Variants in SCARB2 observed in about 807,000 individuals in gnomAD.
SCARB2 encodes lysosome membrane protein 2.
A neutral mutation model predicts 58.6 loss-of-function variants in SCARB2; 29 were observed. The observed-to-expected ratio is 0.49, with a 90% CI of 0.37 to 0.67. The LOEUF is 0.67. SCARB2 is among the 30% of genes least tolerant of loss of function. The pLI, the probability that SCARB2 is intolerant of heterozygous loss-of-function variation, is 0.00. For synonymous variants in SCARB2, 195 were observed against 210.1 expected (o/e 0.93, Z 0.62); for missense variants, 488 against 578.5 (o/e 0.84, Z 1.60).
At chr4:76,211,307 C>T (rs1733041269) in intron 1 of SCARB2, among the ~76,000 whole-genome samples, 1 of 152,176 alleles carries the variant, frequency 6.6e-6, no homozygotes, top group Non-Finnish European at 1.5e-5. Context: ...CCCAAGTTAG[C>T]TAACAGCTCA....
chr4:76,209,588 C>T (rs1160804781), intron 1 of SCARB2, among the ~76,000 whole-genome samples: 2 of 152,112 alleles, frequency 1.3e-5, no homozygotes, highest in African/African-American at 4.8e-5. Flanking sequence ...AGGCTGGTCT[C>T]GAACTCCCGA....
chr4:76,166,386 T>A, intron 9 of SCARB2, 85 bp from the exon 10 acceptor site: 1 of 1,334,992 alleles, frequency 7.5e-7, no homozygotes, highest in Non-Finnish European at 1.1e-6. Context: ...TATATGAAGA[T>A]TCTAGTACAC....
Position 76,175,843 on chromosome 4 carries a change from G to A in SCARB2, c.772C>T (p.Pro258Ser). The change falls in exon 6 of 12, where the codon CCA becomes TCA. Residue 258 changes from proline (P) to serine (S), a missense_variant. Physicochemically the swap from Pro to Ser is moderately conservative, Grantham distance 74. Transcript: ENST00000264896. The stretch of plus-strand genomic sequence containing the variant: ...AGGACCTCATCTTTGGTTATTAGTG[G>A]GTGAAAAGAATCTCCATCTGTTCCA... ...INGTDGDSFHPLITKDEVLYV... is the reference protein window; with the variant it reads ...INGTDGDSFHSLITKDEVLYV... 1 of 1,613,832 alleles carries A rather than the reference G, an allele frequency of 6.2e-7. No homozygotes were observed. Among genetic ancestry groups the A allele is most frequent in the Non-Finnish European group, 8.5e-7 (1 of 1,179,936 alleles).
intron 2 of SCARB2, chr4:76,194,631 A>T (rs776643445): frequency 6.6e-6 from 1 of 152,190 alleles, no homozygotes; most frequent in African/African-American, 2.4e-5. Context: ...ATCGATTACA[A>T]CAGAATTGTC....
chr4:76,218,031 T>A (rs568168565), upstream of SCARB2, among the ~76,000 whole-genome samples: 4 of 152,362 alleles, frequency 2.6e-5, no homozygotes, highest in East Asian at 7.7e-4. Flanking sequence ...ATATAAACAT[T>A]TAAAATACAC....
At position 76,174,369 on chromosome 4, in the gene SCARB2, C is replaced by T. The variant is rs1044063809; in HGVS notation, c.825-56G>A. The T allele has an allele frequency of 1.4e-5, 22 of 1,541,668 alleles. No individual in the cohort carries two copies. In the African/African-American group the frequency reaches 1.6e-4, roughly 11 times the overall value. ...TGGACTCTGGTCAGTGTAATCTGCCCGAAATCCGCAAGTTAGCAACAGTTC... is the reference window on the plus strand; with the variant it reads ...TGGACTCTGGTCAGTGTAATCTGCCTGAAATCCGCAAGTTAGCAACAGTTC... On this transcript the variant is annotated intron_variant, in intron 6 of 11. Coordinates refer to ENST00000264896, the MANE Select transcript of SCARB2 (RefSeq NM_005506.4).
At chr4:76,162,917 GT>G (rs1159128351) in intron 11 of SCARB2, 28 of 568,900 alleles carry the variant, frequency 4.9e-5, no homozygotes, top group Admixed American at 4.0e-4. Context: ...ATGTGTAACT[GT>G]TATATATTCT....
intron 6 of SCARB2, chr4:76,174,942 GCCTA>G: frequency 6.4e-6 from 1 of 155,144 alleles, no homozygotes; most frequent in Admixed American, 6.3e-5. Flanking sequence ...ACTGCATAGT[GCCTA>G]ACCACTTTGA....
rs902350857 is a variant in SCARB2, at chr4:76,159,934, T to C, written c.*1779A>G. The C allele has an allele frequency of 6.6e-6, 1 of 152,226 alleles. No individual in the cohort carries two copies. The highest frequency in any genetic ancestry group is 2.4e-5 in the African/African-American group (1 of 41,450). The allele number at this position is 152,226 out of a possible 1,614,324, so 9.4% of individuals were successfully genotyped here. On this transcript the variant is annotated 3_prime_UTR_variant, in exon 12 of 12. Transcript: ENST00000264896. The stretch of plus-strand genomic sequence containing the variant: ...TAGTATGGATAAGTACATGCATAAT[T>C]AAGACATGCCCAATTATCTAGTTAA...
At chr4:76,189,157 C>T (rs74973776) in intron 2 of SCARB2, among the ~76,000 whole-genome samples, 4,158 of 152,216 alleles carry the variant, frequency 0.027, 147 homozygotes, top group African/African-American at 0.086. Flanking sequence ...CAGTCAGAGA[C>T]CAAAGGACTT....
intron 2 of SCARB2, 106 bp from the exon 3 acceptor site, chr4:76,181,207 A>G (rs1732376548): frequency 2.7e-6 from 3 of 1,093,864 alleles, no homozygotes; most frequent in Non-Finnish European, 2.7e-6. Context: ...AACATTCCCA[A>G]TATAACATTA....
intron 1 of SCARB2, among the ~76,000 whole-genome samples, chr4:76,196,651 C>T (rs1033504362): frequency 1.3e-5 from 2 of 152,180 alleles, no homozygotes; most frequent in South Asian, 2.1e-4. Flanking sequence ...CCATCCCTAC[C>T]GCCTCCACCA....
chr4:76,176,696 C>A (rs1732258168), intron 4 of SCARB2, 168 bp from the exon 5 acceptor site: 2 of 589,848 alleles, frequency 3.4e-6, no homozygotes, highest in African/African-American at 1.9e-5. Context: ...AGGGAGGTTA[C>A]CCTCAATAAT....
intron 1 of SCARB2, among the ~76,000 whole-genome samples, chr4:76,219,712 GAT>G (rs1174232793): frequency 6.6e-6 from 1 of 152,002 alleles, no homozygotes; most frequent in African/African-American, 2.4e-5. Context: ...TTTGGCCAGA[GAT>G]AGGGGTGCAG....
At chr4:76,211,078 G>C (rs779863803) in intron 1 of SCARB2, among the ~76,000 whole-genome samples, 7 of 152,216 alleles carry the variant, frequency 4.6e-5, no homozygotes, top group Non-Finnish European at 8.8e-5. Context: ...TTCTGTGCCT[G>C]ATACTATGCT....
At chr4:76,171,090 G>A (rs1456017284) in intron 7 of SCARB2, among the ~76,000 whole-genome samples, 3 of 151,736 alleles carry the variant, frequency 2.0e-5, no homozygotes, top group Admixed American at 6.6e-5. Flanking sequence ...GGAGCTTGTC[G>A]GCAAGTTATT....
At chr4:76,188,752 G>A (rs374744396) in intron 2 of SCARB2, among the ~76,000 whole-genome samples, 6 of 152,260 alleles carry the variant, frequency 3.9e-5, no homozygotes, top group Admixed American at 2.0e-4. Flanking sequence ...GTGAATGACC[G>A]CAAAAGGCAC....
At chr4:76,206,629 A>G (rs1241845293) in intron 1 of SCARB2, among the ~76,000 whole-genome samples, 1 of 151,772 alleles carries the variant, frequency 6.6e-6, no homozygotes, top group African/African-American at 2.4e-5. Flanking sequence ...AAGACATTGC[A>G]TTTGGCAGTA....
At chr4:76,216,429 C>T (rs191724335), upstream of SCARB2, among the ~76,000 whole-genome samples, 69 of 152,274 alleles carry the variant, frequency 4.5e-4, no homozygotes, top group African/African-American at 9.6e-4. Context: ...TTTCTGTTTG[C>T]GGGCTCCATT....
Sources: allele counts gnomAD v4.1 joint callset (sites outside exome capture counted in the v4.1 genomes callset), GRCh38; gene constraint gnomAD v4.1.1; transcripts MANE v1.5; gene names NCBI Gene and HGNC (gene_info 2026-07-23, HGNC 2026-07-21).